The following ABCC8 variants were observed in gnomAD, a reference collection of about 807,000 sequenced individuals.
ABCC8 encodes the protein ATP binding cassette subfamily C member 8.
In ABCC8, 137 loss-of-function variants were observed where a neutral mutation model predicts 188.0. The ratio of observed to expected loss-of-function variants is 0.73; its 90% CI spans 0.63 to 0.84. ABCC8 has a LOEUF of 0.84. Ranked by LOEUF, ABCC8 falls within the 40% of genes least tolerant of loss-of-function variation. The pLI, the probability that ABCC8 is intolerant of heterozygous loss-of-function variation, is 0.00. For missense variants in ABCC8, 1,750 were observed against 2,072.7 expected (o/e 0.84, Z 3.02); for synonymous variants, 797 against 846.5 (o/e 0.94, Z 1.01).
Position 17,427,346 on chromosome 11 carries a change from C to T in ABCC8, c.2117-192G>A. 7.2e-6 allele frequency: 5 copies of T among 695,458 alleles called. No individual in the cohort carries two copies. The highest frequency in any genetic ancestry group is 8.8e-6 in the Non-Finnish European group (5 of 565,386). 43.1% of individuals were successfully genotyped at this position (695,458 alleles called of 1,614,324 possible). Reference sequence around the variant, plus strand: ...AAATCAACATCCTCCTCTGGCTCCCCAGGTCCTTCCCCCTCTCTGATTTCC... The same window carrying T: ...AAATCAACATCCTCCTCTGGCTCCCTAGGTCCTTCCCCCTCTCTGATTTCC... On this transcript the variant is annotated intron_variant, in intron 15 of 38. Transcript: ENST00000389817. The surrounding 1 kb of genome is among the most constrained non-coding windows in gnomAD (Gnocchi z 5.0).
intron 12 of ABCC8, 37 bp downstream of exon 12, chr11:17,430,777 T>C (rs1435902329): frequency 6.2e-7 from 1 of 1,605,266 alleles, no homozygotes; most frequent in Non-Finnish European, 8.5e-7. Context: ...ACACAGGACC[T>C]GCCTGCCCAG....
At chr11:17,453,622 C>A (rs1288188705) in intron 6 of ABCC8, among the ~76,000 whole-genome samples, 1 of 152,150 alleles carries the variant, frequency 6.6e-6, no homozygotes, top group African/African-American at 2.4e-5. Context: ...AAATAGAGCA[C>A]CTAAAACCTG....
chr11:17,409,409 A>G (rs1954702916), intron 22 of ABCC8, among the ~76,000 whole-genome samples: 1 of 152,214 alleles, frequency 6.6e-6, no homozygotes, highest in Non-Finnish European at 1.5e-5. Flanking sequence ...CAAGGAAGCC[A>G]GCACTTCTGT....
chr11:17,460,425 C>G (rs1309514235), intron 6 of ABCC8, 63 bp downstream of exon 6: 2 of 1,610,982 alleles, frequency 1.2e-6, no homozygotes, highest in African/African-American at 1.3e-5. Flanking sequence ...TGGCCTGTTG[C>G]ACTCTCAGAA....
chr11:17,427,861 C>A lies in ABCC8; in HGVS notation c.2116+6G>T, dbSNP rs763071964. On this transcript the variant is annotated splice_donor_region_variant and intron_variant, in intron 15 of 38. Coordinates refer to ENST00000389817, the MANE Select transcript of ABCC8 (RefSeq NM_000352.6). This position sits in a 1 kb window ranked among gnomAD's most constrained non-coding sequence, Gnocchi z 5.0. ...GGGCATGCTGGAGGGGTGGACTGGG[C>A]CATACCTCGGGGGATACGAATGGTG... is the stretch of plus-strand genomic sequence containing the variant. 6.2e-7 allele frequency: 1 copy of A among 1,613,928 alleles called. No homozygotes were observed. The highest frequency in any genetic ancestry group is 1.1e-5 in the South Asian group (1 of 91,010).
intron 3 of ABCC8, among the ~76,000 whole-genome samples, chr11:17,463,961 C>T (rs1383805601): frequency 2.0e-5 from 3 of 152,196 alleles, no homozygotes; most frequent in Non-Finnish European, 4.4e-5. Flanking sequence ...ATCTATTCCT[C>T]ACCATAACTT....
intron 16 of ABCC8, among the ~76,000 whole-genome samples, chr11:17,419,603 G>C (rs1955241206): frequency 6.6e-6 from 1 of 152,156 alleles, no homozygotes; most frequent in African/African-American, 2.4e-5. Context: ...AATGTAATGT[G>C]CATTCTTTTA....
chr11:17,394,439 T>C, intron 36 of ABCC8, 40 bp from the exon 37 acceptor site: 1 of 1,613,946 alleles, frequency 6.2e-7, no homozygotes, highest in Non-Finnish European at 8.5e-7. Context: ...ACTGAGTTAA[T>C]CTTGTGCTGT....
At chr11:17,457,306 A>T (rs1957031589) in intron 6 of ABCC8, among the ~76,000 whole-genome samples, 1 of 152,188 alleles carries the variant, frequency 6.6e-6, no homozygotes, top group Non-Finnish European at 1.5e-5. Context: ...ACACACCAAA[A>T]GACACAGGGA....
chr11:17,407,656 T>TGGGG, intron 23 of ABCC8: 5 of 514,698 alleles, frequency 9.7e-6, no homozygotes, highest in Non-Finnish European at 1.3e-5. Context: ...CCCATATCCC[T>TGGGG]GTGGGGAACC....
rs746259238 is a variant in ABCC8, at chr11:17,474,867, TC to T, written c.290+18del. ...CCTGGAGCAGATTCACTTTCCTGAG[TC>T]CTCAGACAGTCACTCACCCATCAGA... is the stretch of plus-strand genomic sequence containing the variant. On this transcript the variant is annotated intron_variant, in intron 2 of 38. Transcript: ENST00000389817. The T allele has an allele frequency of 6.8e-6, 11 of 1,613,442 alleles. No individual in the cohort carries two copies. In the East Asian group the frequency reaches 8.9e-5, roughly 13 times the overall value.
chr11:17,422,162 C>G (rs959770694), intron 16 of ABCC8, among the ~76,000 whole-genome samples: 1 of 152,208 alleles, frequency 6.6e-6, no homozygotes, highest in African/African-American at 2.4e-5. Flanking sequence ...ACAGCCCCCA[C>G]ACTTAACTCA....
Position 17,427,278 on chromosome 11 carries a change from A to G in ABCC8, c.2117-124T>C, listed in dbSNP as rs889785929. 31 of 1,370,746 alleles carry G rather than the reference A, an allele frequency of 2.3e-5. No homozygotes were observed. Among genetic ancestry groups the G allele is most frequent in the African/African-American group, 7.3e-5 (5 of 68,066 alleles). 84.9% of individuals were successfully genotyped at this position (1,370,746 alleles called of 1,614,324 possible). ...CCCTGTTTTCTTTCTTCCTACCTAGAATCCCCAGCAAGTCCTCTCCCTCTT... is the reference window on the plus strand; with the variant it reads ...CCCTGTTTTCTTTCTTCCTACCTAGGATCCCCAGCAAGTCCTCTCCCTCTT... On this transcript the variant is annotated intron_variant, in intron 15 of 38. Coordinates refer to ENST00000389817, the MANE Select transcript of ABCC8 (RefSeq NM_000352.6). This position sits in a 1 kb window ranked among gnomAD's most constrained non-coding sequence, Gnocchi z 5.0.
rs776100468 is a variant in ABCC8 at position 17,395,692 on chromosome 11, T to C, written c.4225A>G (p.Ile1409Val). The change falls in exon 35 of 39, where the codon ATC (isoleucine) becomes GTC (valine). Residue 1409 changes from isoleucine to valine, a missense_variant. Physicochemically the swap from Ile to Val is conservative, Grantham distance 29 (BLOSUM62 3). Coordinates refer to ENST00000389817, the MANE Select transcript of ABCC8 (RefSeq NM_000352.6). ...EGHIIIDGIDIAKLPLHTLRS... is the reference protein window; with the variant it reads ...EGHIIIDGIDVAKLPLHTLRS... ...AGGGTGTGCAGCGGCAGTTTGGCGA[T>C]GTCAATGCCATCAATGATGATGTGC... The C allele has an allele frequency of 3.9e-6, 6 of 1,558,206 alleles. No individual in the cohort carries two copies. The Admixed American group carries it at 7.7e-5, about 20-fold the overall frequency.
At chr11:17,410,228 G>T in intron 22 of ABCC8, 1 of 415,936 alleles carries the variant, frequency 2.4e-6, no homozygotes, top group Non-Finnish European at 4.4e-6. Flanking sequence ...CAGAAGGTGA[G>T]AAGTGAGCAC....
chr11:17,438,574 G>A (rs571604382), intron 10 of ABCC8, among the ~76,000 whole-genome samples: 3 of 152,282 alleles, frequency 2.0e-5, no homozygotes, highest in East Asian at 3.9e-4. Flanking sequence ...GGACCCCTTT[G>A]TCACCTCTAC....
intron 33 of ABCC8, 76 bp downstream of exon 33, chr11:17,396,840 A>G: frequency 6.3e-7 from 1 of 1,578,738 alleles, no homozygotes; most frequent in Non-Finnish European, 8.6e-7. Context: ...GTGACTGCGA[A>G]GCCATCCAGC....
intron 35 of ABCC8, 59 bp downstream of exon 35, chr11:17,395,551 G>T (rs895441930): frequency 7.2e-6 from 11 of 1,534,698 alleles, no homozygotes; most frequent in Non-Finnish European, 9.6e-6. Context: ...TTGTGCTCCA[G>T]ATCTGATGGA....
At chr11:17,475,741 G>A (rs1157587667) in intron 1 of ABCC8, among the ~76,000 whole-genome samples, 1 of 152,202 alleles carries the variant, frequency 6.6e-6, no homozygotes, top group Non-Finnish European at 1.5e-5. Flanking sequence ...CTAATTTTGT[G>A]ACAATCTTTC....
Sources: allele counts gnomAD v4.1 joint callset (sites outside exome capture counted in the v4.1 genomes callset), GRCh38; gene constraint gnomAD v4.1.1; non-coding constraint Gnocchi (gnomAD v3.1); transcripts MANE v1.5; gene names NCBI Gene and HGNC (gene_info 2026-07-23, HGNC 2026-07-21).